Variants in PLSCR2 observed in about 807,000 individuals in gnomAD.
The protein encoded by PLSCR2 is PL scramblase 2.
In PLSCR2, 18 loss-of-function variants were observed where a neutral mutation model predicts 25.3. That is an observed-to-expected ratio of 0.71 (90% confidence interval 0.49 to 1.06). The LOEUF is 1.06. PLSCR2 is among the 50% of genes least tolerant of loss of function. The pLI, the probability that PLSCR2 is intolerant of heterozygous loss-of-function variation, is 0.00. For missense variants in PLSCR2, 243 were observed against 269.5 expected, an observed-to-expected ratio of 0.90 and a Z score of 0.69; for synonymous variants, 88 against 87.3, an observed-to-expected ratio of 1.01 and a Z score of -0.04.
At chr3:146,431,204 T>C (rs1309708043), downstream of PLSCR2, among the ~76,000 whole-genome samples, 1 of 128,556 alleles carries the variant, frequency 7.8e-6, no homozygotes, top group Admixed American at 8.1e-5. Context: ...GAGACAATAC[T>C]CTAAGCAGTT....
intron 1 of PLSCR2, among the ~76,000 whole-genome samples, chr3:146,485,356 C>A (rs373018320): frequency 6.6e-6 from 1 of 152,064 alleles, no homozygotes; most frequent in African/African-American, 2.4e-5. Flanking sequence ...TAGTGGGAGA[C>A]TTTAACAACC....
chr3:146,449,723 A>C (rs1212394010), intron 5 of PLSCR2, among the ~76,000 whole-genome samples: 1 of 152,208 alleles, frequency 6.6e-6, no homozygotes. Flanking sequence ...AATTTCTAGA[A>C]GCCATCAGGA....
At chr3:146,477,648 G>T (rs1277310223) in intron 1 of PLSCR2, among the ~76,000 whole-genome samples, 1 of 152,218 alleles carries the variant, frequency 6.6e-6, no homozygotes, top group Non-Finnish European at 1.5e-5. Flanking sequence ...TTTCACCTTT[G>T]TGGGCAGGGC....
At position 146,469,319 on chromosome 3, in the gene PLSCR2, G is replaced by A. The variant is rs148429864; in HGVS notation, c.-292-9035C>T. On this transcript the variant is annotated intron_variant, in intron 1 of 8. Coordinates refer to the PLSCR2 transcript ENST00000336685. ...TCTGGTGTGAGCCAGGGTACAGCTG[G>A]GCCGCCTGGGGCCCCTTGCCGAGTT... The A allele has an allele frequency of 5.9e-4, 584 of 985,346 alleles. 4 individuals carry two copies. The African/African-American group carries it at 9.6e-3, about 16-fold the overall frequency. 61.0% of individuals were successfully genotyped at this position (985,346 alleles called of 1,614,324 possible). A position where few individuals can be genotyped will look rare whatever the true frequency, so the allele number is the denominator to read the frequency against.
chr3:146,421,982 G>A (rs2039168007), intron 2 of PLSCR2, among the ~76,000 whole-genome samples: 1 of 152,124 alleles, frequency 6.6e-6, no homozygotes, highest in Non-Finnish European at 1.5e-5. Flanking sequence ...CCAGCAGGCA[G>A]TTGAGTCATG....
At chr3:146,487,665 TAAGAG>T (rs1182810496) in intron 1 of PLSCR2, among the ~76,000 whole-genome samples, 1 of 152,020 alleles carries the variant, frequency 6.6e-6, no homozygotes, top group African/African-American at 2.4e-5. Context: ...CTCAAGGAAA[TAAGAG>T]AAGACACAAA....
rs565808526 is a variant in PLSCR2, at chr3:146,483,305, A to T, written c.-293+12590T>A. Among the ~76,000 whole-genome samples, 783 of 147,502 alleles carry T rather than the reference A, an allele frequency of 5.3e-3. 3 individuals are homozygous for T. The highest frequency in any genetic ancestry group is 0.021 in the Middle Eastern group (6 of 290). ...CGGGGGGTGGGGGGCTGGGGGAGGG[A>T]TAGCATTAGGAGAAATACCAAATGT... On this transcript the variant is annotated intron_variant, in intron 1 of 8. Coordinates refer to the PLSCR2 transcript ENST00000336685.
downstream of PLSCR2, among the ~76,000 whole-genome samples, chr3:146,441,051 AGTCAT>A (rs762679929): frequency 3.3e-5 from 5 of 152,132 alleles, no homozygotes; most frequent in Admixed American, 1.3e-4. Flanking sequence ...AGACTCACAC[AGTCAT>A]GTCTTTCTTT....
chr3:146,455,555 A>G (rs772631198), intron 3 of PLSCR2, 96 bp from the exon 4 acceptor site: 224 of 730,152 alleles, frequency 3.1e-4, no homozygotes, highest in Non-Finnish European at 2.6e-4. Flanking sequence ...TGCTCCAAGT[A>G]TCATAGAAAG....
chr3:146,464,250 G>C (rs1250662652), upstream of PLSCR2, among the ~76,000 whole-genome samples: 1 of 152,136 alleles, frequency 6.6e-6, no homozygotes, highest in African/African-American at 2.4e-5. Context: ...TAGCTTTCCT[G>C]GTCTCCAGTT....
intron 2 of PLSCR2, among the ~76,000 whole-genome samples, chr3:146,405,076 C>T (rs935785866): frequency 7.9e-5 from 12 of 151,852 alleles, no homozygotes; most frequent in African/African-American, 2.7e-4. Flanking sequence ...ATTTAGCTGG[C>T]GGCCAAGAGA....
At chr3:146,446,723 T>C (rs1010241367) in intron 6 of PLSCR2, among the ~76,000 whole-genome samples, 5 of 152,112 alleles carry the variant, frequency 3.3e-5, no homozygotes, top group Non-Finnish European at 1.5e-5. Context: ...CCAGTCAGGA[T>C]TGTATCCTTC....
chr3:146,446,851 C>T (rs746605443), intron 6 of PLSCR2, among the ~76,000 whole-genome samples: 5 of 152,082 alleles, frequency 3.3e-5, no homozygotes, highest in Admixed American at 6.6e-5. Flanking sequence ...TGTGGCTGAG[C>T]TAGAACCCAA....
chr3:146,437,574 TA>T (rs534702472), downstream of PLSCR2, among the ~76,000 whole-genome samples: 413 of 152,340 alleles, frequency 2.7e-3, 2 homozygotes, highest in African/African-American at 9.5e-3. Context: ...GTGTTTATAG[TA>T]TTCTCTGATG....
In PLSCR2 at chr3:146,442,591, C is replaced by T. The variant is rs556310099; in HGVS notation, c.646-770G>A. ...AAAGATATAGTAATCAAAACAGCTT[C>T]GTACTTGCATAGAAAGAGACACAAT... is the stretch of plus-strand genomic sequence containing the variant. On this transcript the variant is annotated intron_variant, in intron 6 of 6. Transcript: ENST00000610787. 9.2e-5 allele frequency among the ~76,000 whole-genome samples: 14 copies of T among 152,016 alleles called. No homozygotes were observed. In the East Asian group the frequency reaches 2.3e-3, roughly 25 times the overall value.
intron 1 of PLSCR2, among the ~76,000 whole-genome samples, chr3:146,483,752 C>CA (rs1267302635): frequency 2.0e-5 from 3 of 150,826 alleles, no homozygotes; most frequent in Admixed American, 1.3e-4. Flanking sequence ...ACAGCATCAA[C>CA]AAAAAAATAC....
intron 1 of PLSCR2, among the ~76,000 whole-genome samples, chr3:146,475,382 T>G (rs1474221144): frequency 2.6e-5 from 4 of 152,096 alleles, no homozygotes. Context: ...TGTTGTCAGG[T>G]TCCTTTTCTG....
downstream of PLSCR2, among the ~76,000 whole-genome samples, chr3:146,439,534 T>C (rs2108219514): frequency 6.6e-6 from 1 of 152,336 alleles, no homozygotes; most frequent in Non-Finnish European, 1.5e-5. Flanking sequence ...TGATCTTCAA[T>C]CACTGATACC....
chr3:146,422,254 C>T (rs2039178118), intron 2 of PLSCR2, among the ~76,000 whole-genome samples: 2 of 152,034 alleles, frequency 1.3e-5, no homozygotes, highest in Admixed American at 6.6e-5. Context: ...GCAGGAATTG[C>T]TTGATAATTC....
Sources: allele counts gnomAD v4.1 joint callset (sites outside exome capture counted in the v4.1 genomes callset), GRCh38; gene constraint gnomAD v4.1.1; transcripts MANE v1.5; gene names NCBI Gene and HGNC (gene_info 2026-07-23, HGNC 2026-07-21).